The following BTBD9 variants were observed in gnomAD, a reference collection of about 807,000 sequenced individuals.
The protein encoded by BTBD9 is BTB/POZ domain-containing protein 9.
Under a neutral mutation model 64.3 loss-of-function variants are expected in BTBD9, and 49 were observed. That is an observed-to-expected ratio of 0.76 (90% CI 0.61 to 0.97). BTBD9 has a LOEUF of 0.97. BTBD9 is among the 50% of genes least tolerant of loss of function. The pLI is 0.00. For synonymous variants in BTBD9, 260 were observed against 274.7 expected (o/e 0.95, Z 0.53); for missense variants, 598 against 762.1 (o/e 0.78, Z 2.53).
At chr6:38,592,482 C>G (rs1776842582) in intron 4 of BTBD9, 94 bp downstream of exon 4, 1 of 1,326,320 alleles carries the variant, frequency 7.5e-7, no homozygotes, top group Admixed American at 1.9e-5. Flanking sequence ...TCATGTACAC[C>G]TGCACTACAC....
intron 7 of BTBD9, among the ~76,000 whole-genome samples, chr6:38,294,608 C>T (rs574154571): frequency 1.3e-5 from 2 of 152,040 alleles, no homozygotes; most frequent in Non-Finnish European, 2.9e-5. Flanking sequence ...ACAATGAGAA[C>T]ACATGGACAC....
At chr6:38,432,147 G>C (rs1768470230) in intron 6 of BTBD9, among the ~76,000 whole-genome samples, 1 of 152,044 alleles carries the variant, frequency 6.6e-6, no homozygotes, top group South Asian at 2.1e-4. Flanking sequence ...TTTTGCACAA[G>C]CTTTCTTGCC....
At chr6:38,395,096 T>C (rs1178675840) in intron 6 of BTBD9, among the ~76,000 whole-genome samples, 1 of 152,086 alleles carries the variant, frequency 6.6e-6, no homozygotes, top group African/African-American at 2.4e-5. Flanking sequence ...GATTAGGTCA[T>C]GAGTGAGGAG....
At chr6:38,218,707 A>C (rs575070791) in intron 9 of BTBD9, among the ~76,000 whole-genome samples, 1 of 152,328 alleles carries the variant, frequency 6.6e-6, no homozygotes, top group South Asian at 2.1e-4. Flanking sequence ...GCACGGACAG[A>C]AGCTCACAAG....
chr6:38,422,881 C>T (rs1323106927), intron 6 of BTBD9, among the ~76,000 whole-genome samples: 2 of 152,098 alleles, frequency 1.3e-5, no homozygotes, highest in African/African-American at 4.8e-5. Context: ...GGGAGGACTG[C>T]TTGAGGCCCG....
intron 6 of BTBD9, among the ~76,000 whole-genome samples, chr6:38,448,113 A>G (rs1769360038): frequency 6.6e-6 from 1 of 152,212 alleles, no homozygotes; most frequent in South Asian, 2.1e-4. Context: ...AACCAAAGGG[A>G]TGGAAATGGC....
At chr6:38,328,731 A>G (rs1763545689) in intron 7 of BTBD9, among the ~76,000 whole-genome samples, 1 of 151,920 alleles carries the variant, frequency 6.6e-6, no homozygotes, top group Non-Finnish European at 1.5e-5. Flanking sequence ...GTGGATCCCG[A>G]GGTCACGAGA....
intron 9 of BTBD9, among the ~76,000 whole-genome samples, chr6:38,227,903 G>T (rs747883935): frequency 8.5e-5 from 13 of 152,182 alleles, no homozygotes; most frequent in Admixed American, 2.6e-4. Flanking sequence ...ATGACATTCT[G>T]GAAAATGAGA....
intron 1 of BTBD9, among the ~76,000 whole-genome samples, chr6:38,629,055 T>C (rs952033802): frequency 4.0e-5 from 6 of 150,464 alleles, no homozygotes; most frequent in South Asian, 2.1e-4. Flanking sequence ...AAAACAATGA[T>C]AGTAAAAAAT....
Position 38,184,557 on chromosome 6 carries a change from G to C in BTBD9, c.1641+7962C>G, listed in dbSNP as rs1318125228. On this transcript the variant is annotated intron_variant, in intron 10 of 10. Transcript: ENST00000481247. The surrounding 1 kb of genome is among the most constrained non-coding windows in gnomAD (Gnocchi z 4.4). ...GGCTGCCTCTCCATTTGCTCTCTCT[G>C]TGCTCTGCCACAGAGCACAGAGAGC... Among the ~76,000 whole-genome samples the C allele has an allele frequency of 6.6e-6, 1 of 152,036 alleles. No homozygotes were observed.
At chr6:38,618,361 A>C (rs1201504650) in intron 1 of BTBD9, among the ~76,000 whole-genome samples, 3 of 152,248 alleles carry the variant, frequency 2.0e-5, no homozygotes, top group Non-Finnish European at 4.4e-5. Flanking sequence ...GGGAAGGCAA[A>C]TGGAGTGAAA....
At chr6:38,334,654 TAAAAC>T (rs150876258) in intron 7 of BTBD9, among the ~76,000 whole-genome samples, 14,426 of 135,458 alleles carry the variant, frequency 0.11, 1,572 homozygotes, top group East Asian at 0.4. Flanking sequence ...TAAAATAAAA[TAAAAC>T]AAAACAAAAC....
intron 1 of BTBD9, among the ~76,000 whole-genome samples, chr6:38,621,594 GA>G (rs756709324): frequency 1.3e-5 from 2 of 152,060 alleles, no homozygotes; most frequent in East Asian, 1.9e-4. Flanking sequence ...AACTGAGAAA[GA>G]AAAAAAGAAT....
intron 7 of BTBD9, among the ~76,000 whole-genome samples, chr6:38,294,125 T>C (rs1762073922): frequency 6.6e-6 from 1 of 152,118 alleles, no homozygotes; most frequent in Non-Finnish European, 1.5e-5. Flanking sequence ...CGAGATACCA[T>C]CTCATGCCAG....
intron 8 of BTBD9, among the ~76,000 whole-genome samples, chr6:38,287,124 A>ACG (rs1395706989): frequency 6.8e-6 from 1 of 146,442 alleles, no homozygotes; most frequent in Non-Finnish European, 1.5e-5. Context: ...ACACACACAC[A>ACG]CACACACACA....
At chr6:38,302,184 A>G (rs1762428556) in intron 7 of BTBD9, among the ~76,000 whole-genome samples, 1 of 152,092 alleles carries the variant, frequency 6.6e-6, no homozygotes, top group African/African-American at 2.4e-5. Flanking sequence ...AACACTGTTA[A>G]CCACAGTCAA....
chr6:38,398,206 A>T (rs1027267760), intron 6 of BTBD9, among the ~76,000 whole-genome samples: 1 of 152,238 alleles, frequency 6.6e-6, no homozygotes, highest in African/African-American at 2.4e-5. Flanking sequence ...ACTGGGTTCT[A>T]TGAAGCACAA....
At position 38,169,584 on chromosome 6, in the gene BTBD9, G is replaced by A. The variant is rs144302295; in HGVS notation, c.*5401C>T. 359 of 152,424 alleles carry A rather than the reference G, an allele frequency of 2.4e-3. No individual in the cohort carries two copies. The highest frequency in any genetic ancestry group is 4.0e-3 in the African/African-American group (166 of 41,542). The allele number at this position is 152,424 out of a possible 1,614,324, so 9.4% of individuals were successfully genotyped here. ...TCCCGCCTCGCAACGCCTCCTCTGCGCCAGGGCCAGGGCCTCTCCCCCTAG... is the reference window on the plus strand; with the variant it reads ...TCCCGCCTCGCAACGCCTCCTCTGCACCAGGGCCAGGGCCTCTCCCCCTAG... On this transcript the variant is annotated 3_prime_UTR_variant, in exon 11 of 11. Transcript: ENST00000481247.
intron 1 of BTBD9, among the ~76,000 whole-genome samples, chr6:38,608,329 T>C (rs975845464): frequency 6.6e-6 from 1 of 152,150 alleles, no homozygotes; most frequent in African/African-American, 2.4e-5. Flanking sequence ...GAAAAATATA[T>C]GCACCTAGAG....
Sources: gnomAD v4.1 joint callset for allele counts (sites outside exome capture counted in the v4.1 genomes callset) on GRCh38, gnomAD v4.1.1 for gene constraint, Gnocchi (gnomAD v3.1) non-coding constraint, MANE v1.5 for transcripts, NCBI Gene and HGNC (gene_info 2026-07-23, HGNC 2026-07-21) for gene names.